The following TAF2 variants were observed in gnomAD, a reference collection of about 807,000 sequenced individuals.
TAF2 encodes the protein TATA-box binding protein associated factor 2, also known as transcription initiation factor TFIID subunit 2.
TAF2 carries 61 observed loss-of-function variants against 138.5 expected under a neutral mutation model. The observed-to-expected ratio is 0.44, with a 90% CI of 0.36 to 0.54. The LOEUF is 0.54. Ranked by LOEUF, TAF2 falls within the 20% of genes least tolerant of loss-of-function variation. The pLI, the probability that TAF2 is intolerant of heterozygous loss-of-function variation, is 0.00. For synonymous variants in TAF2, 475 were observed against 469.9 expected (o/e 1.01, Z -0.14); for missense variants, 1,090 against 1,427.9 (o/e 0.76, Z 3.81).
chr8:119,754,824 C>T (rs1384985775), intron 22 of TAF2, among the ~76,000 whole-genome samples: 1 of 152,120 alleles, frequency 6.6e-6, no homozygotes, highest in East Asian at 1.9e-4. Context: ...CTATCACAGA[C>T]ATAAGGCAAA....
intron 4 of TAF2, among the ~76,000 whole-genome samples, chr8:119,804,867 GT>G (rs1824513139): frequency 6.6e-6 from 1 of 151,986 alleles, no homozygotes; most frequent in Non-Finnish European, 1.5e-5. Flanking sequence ...TTATTATCAC[GT>G]TTTTTGTTAT....
chr8:119,779,135 C>A (rs183552869), intron 17 of TAF2, among the ~76,000 whole-genome samples: 2 of 152,222 alleles, frequency 1.3e-5, no homozygotes, highest in Admixed American at 6.6e-5. Flanking sequence ...ATCTCTCTCT[C>A]TCTCCTGTCC....
At chr8:119,797,880 G>A (rs201256939) in intron 6 of TAF2, 34 bp from the exon 7 acceptor site, 1 of 1,603,202 alleles carries the variant, frequency 6.2e-7, no homozygotes, top group Non-Finnish European at 8.5e-7. Context: ...TCATCTAAAT[G>A]AAAGAGTTAA....
chr8:119,760,239 T>C lies in TAF2; in HGVS notation c.2698+360A>G, dbSNP rs1256689734. ...ATTCCCCTCCTGAAGTTTGTGTTTA[T>C]GTCTAGTCCTCTACTTTCACAGACA... On this transcript the variant is annotated intron_variant, in intron 20 of 25. Coordinates refer to ENST00000378164, the MANE Select transcript of TAF2 (RefSeq NM_003184.4). Among the ~76,000 whole-genome samples, 4 of 152,192 alleles carry C rather than the reference T, an allele frequency of 2.6e-5. 1 individual carries two copies. Among genetic ancestry groups the C allele is most frequent in the African/African-American group, 9.6e-5 (4 of 41,468 alleles).
At chr8:119,776,411 G>A (rs572672085) in intron 18 of TAF2, among the ~76,000 whole-genome samples, 10 of 149,638 alleles carry the variant, frequency 6.7e-5, no homozygotes, top group Non-Finnish European at 1.2e-4. Context: ...GGCCGGGCAC[G>A]GTGGCTCATG....
intron 18 of TAF2, among the ~76,000 whole-genome samples, chr8:119,775,566 G>C (rs934762557): frequency 6.6e-6 from 1 of 151,882 alleles, no homozygotes; most frequent in African/African-American, 2.4e-5. Context: ...AGCTGGGCGT[G>C]GGGGTATGTG....
At chr8:119,739,683 G>GAATAA (rs1819468306) in intron 25 of TAF2, among the ~76,000 whole-genome samples, 1 of 150,798 alleles carries the variant, frequency 6.6e-6, no homozygotes, top group Non-Finnish European at 1.5e-5. Context: ...CTCAGCTCAT[G>GAATAA]AATAAAATAA....
chr8:119,752,197 T>C (rs2131027744), intron 22 of TAF2, among the ~76,000 whole-genome samples: 1 of 152,240 alleles, frequency 6.6e-6, no homozygotes, highest in African/African-American at 2.4e-5. Context: ...GCTTTAAAAA[T>C]TTTAGAAACA....
At chr8:119,733,788 C>CA (rs1819040386) in intron 25 of TAF2, among the ~76,000 whole-genome samples, 1 of 151,918 alleles carries the variant, frequency 6.6e-6, no homozygotes, top group South Asian at 2.1e-4. Context: ...CCGCCCCCCC[C>CA]CATCCTAATC....
Position 119,785,715 on chromosome 8 carries a change from A to G in TAF2, c.1794-449T>C, listed in dbSNP as rs186494577. On this transcript the variant is annotated intron_variant, in intron 14 of 25. Coordinates refer to ENST00000378164, the MANE Select transcript of TAF2 (RefSeq NM_003184.4). ...ATAAAATATCTTAAGAGTATTGATC[A>G]ATATGTAGAACCAATTAATACGCAC... Among the ~76,000 whole-genome samples the G allele has an allele frequency of 1.6e-3, 248 of 152,316 alleles. 1 individual carries two copies. Among genetic ancestry groups the G allele is most frequent in the African/African-American group, 5.6e-3 (234 of 41,576 alleles).
intron 23 of TAF2, chr8:119,744,702 A>G (rs1819835974): frequency 4.9e-6 from 2 of 410,058 alleles, no homozygotes; most frequent in South Asian, 4.3e-5. Context: ...ACAGAGAAGA[A>G]TTATGTGATA....
intron 24 of TAF2, 128 bp downstream of exon 24, chr8:119,744,159 AT>A (rs1344282640): frequency 1.3e-5 from 12 of 913,114 alleles, no homozygotes; most frequent in Non-Finnish European, 2.1e-5. Flanking sequence ...ATCTGCTACA[AT>A]TTAATATTTT....
intron 24 of TAF2, among the ~76,000 whole-genome samples, chr8:119,743,097 A>C (rs1819714781): frequency 6.6e-6 from 1 of 151,990 alleles, no homozygotes; most frequent in Non-Finnish European, 1.5e-5. Flanking sequence ...AACCCCAAAA[A>C]ACAAAAACAG....
At chr8:119,794,582 C>T (rs1419002873) in intron 9 of TAF2, among the ~76,000 whole-genome samples, 5 of 152,160 alleles carry the variant, frequency 3.3e-5, no homozygotes, top group Admixed American at 6.5e-5. Context: ...AATAATTTAA[C>T]CTTTCTTTCT....
chr8:119,831,708 T>G lies in TAF2; in HGVS notation c.107A>C (p.Asn36Thr). ...AGATTTTCTCTGGAAATTTATGTTGTTGATGCAGACGACCTGATGGGTTGT... is the reference window on the plus strand; with the variant it reads ...AGATTTTCTCTGGAAATTTATGTTGGTGATGCAGACGACCTGATGGGTTGT... ...YKLTHQVVCI[N>T]NINFQRKSVV... Residue 36 changes from asparagine to threonine, a missense_variant, in exon 2 of 26, where the codon AAC (asparagine) becomes ACC (threonine). Asn to Thr is a moderately conservative substitution (Grantham distance 65). Transcript: ENST00000378164. 6.2e-7 allele frequency: 1 copy of G among 1,604,816 alleles called. No homozygotes were observed. Among genetic ancestry groups the G allele is most frequent in the Non-Finnish European group, 8.5e-7 (1 of 1,174,102 alleles).
chr8:119,794,369 C>A (rs1440252308), intron 9 of TAF2, among the ~76,000 whole-genome samples: 3 of 149,300 alleles, frequency 2.0e-5, no homozygotes, highest in Non-Finnish European at 4.4e-5. Context: ...GCACTACAGC[C>A]TGAGCAACAG....
At chr8:119,738,602 G>A (rs1819388847) in intron 25 of TAF2, among the ~76,000 whole-genome samples, 1 of 152,142 alleles carries the variant, frequency 6.6e-6, no homozygotes, top group African/African-American at 2.4e-5. Flanking sequence ...GTTCAGAGTT[G>A]TATTGTTCTA....
At chr8:119,785,295 A>G (rs1462773770) in intron 14 of TAF2, 29 bp from the exon 15 acceptor site, 1 of 1,515,674 alleles carries the variant, frequency 6.6e-7, no homozygotes, top group Admixed American at 1.7e-5. Flanking sequence ...AGGTTGGAAA[A>G]TTGTGAGATT....
intron 3 of TAF2, among the ~76,000 whole-genome samples, chr8:119,818,732 C>CCACACACACACACACACACACACA (rs199991010): frequency 3.6e-5 from 4 of 110,900 alleles, no homozygotes; most frequent in Admixed American, 2.3e-4. Context: ...AAAATGAAGT[C>CCACACACACACACACACACACACA]CACACACACA....
Sources: allele counts gnomAD v4.1 joint callset (sites outside exome capture counted in the v4.1 genomes callset), GRCh38; gene constraint gnomAD v4.1.1; transcripts MANE v1.5; gene names NCBI Gene and HGNC (gene_info 2026-07-23, HGNC 2026-07-21).